The following VSNL1 variants were observed in gnomAD, a reference collection of about 807,000 sequenced individuals.
VSNL1 encodes visinin-like protein 1.
VSNL1 carries 6 observed loss-of-function variants against 20.4 expected under a neutral mutation model. The ratio of observed to expected loss-of-function variants is 0.29; its 90% CI spans 0.16 to 0.58. VSNL1 has a LOEUF of 0.58. Among genes scored for constraint, VSNL1 ranks in the 20% least tolerant of loss-of-function variants. The pLI is 0.90. For synonymous variants in VSNL1, 93 were observed against 86.4 expected (o/e 1.08, Z -0.42); for missense variants, 100 against 234.5 (o/e 0.43, Z 3.75).
At chr2:17,577,939 C>T (rs1342926383) in intron 1 of VSNL1, among the ~76,000 whole-genome samples, 1 of 152,054 alleles carries the variant, frequency 6.6e-6, no homozygotes, top group Non-Finnish European at 1.5e-5. Flanking sequence ...GTAACCTTCT[C>T]GGTAAGCCTC....
At chr2:17,560,009 G>A (rs950135868) in intron 1 of VSNL1, among the ~76,000 whole-genome samples, 1 of 151,668 alleles carries the variant, frequency 6.6e-6, no homozygotes, top group Non-Finnish European at 1.5e-5. Context: ...AAAAAAAGTA[G>A]CCTTTTCTTT....
chr2:17,604,410 T>G (rs1415802570), intron 2 of VSNL1, among the ~76,000 whole-genome samples: 1 of 152,218 alleles, frequency 6.6e-6, no homozygotes, highest in Admixed American at 6.5e-5. Flanking sequence ...AGCCTAGTCT[T>G]GTGGTGTCAT....
At chr2:17,633,937 C>A (rs1558307129) in intron 2 of VSNL1, among the ~76,000 whole-genome samples, 1 of 152,188 alleles carries the variant, frequency 6.6e-6, no homozygotes, top group Non-Finnish European at 1.5e-5. Context: ...AAGAGAAAAG[C>A]ATGGGCAAAG....
chr2:17,607,588 A>G (rs984306227), intron 2 of VSNL1, among the ~76,000 whole-genome samples: 1 of 152,216 alleles, frequency 6.6e-6, no homozygotes, highest in Admixed American at 6.5e-5. Context: ...AATCACGTGC[A>G]GCTGTCACTC....
intron 2 of VSNL1, among the ~76,000 whole-genome samples, chr2:17,612,833 T>A (rs1665122143): frequency 6.6e-6 from 1 of 152,168 alleles, no homozygotes; most frequent in African/African-American, 2.4e-5. Context: ...CTACAGTACA[T>A]TCACTCCCTC....
In VSNL1 at chr2:17,633,321, C is replaced by T. The variant is rs114657742; in HGVS notation, c.163-16089C>T. Among the ~76,000 whole-genome samples the T allele has an allele frequency of 9.7e-3, 1,363 of 140,562 alleles. 14 individuals carry two copies. The highest frequency in any genetic ancestry group is 0.028 in the South Asian group (123 of 4,338). The allele number at this position is 140,562 out of a possible 152,430, so 92.2% of individuals were successfully genotyped here. A position where few individuals can be genotyped will look rare whatever the true frequency, so the allele number is the denominator to read the frequency against. On this transcript the variant is annotated intron_variant, in intron 2 of 3. Coordinates refer to ENST00000295156, the MANE Select transcript of VSNL1 (RefSeq NM_003385.5). ...GATCTGGGTGGAGACACAGCCAAAC[C>T]ATATCACCCCATCTTTACTAAAAAT...
intron 1 of VSNL1, among the ~76,000 whole-genome samples, chr2:17,555,550 G>A (rs553077614): frequency 1.3e-4 from 20 of 152,128 alleles, no homozygotes; most frequent in Admixed American, 8.5e-4. Context: ...TTCCTACAAC[G>A]TAGACTCAGG....
At chr2:17,633,073 A>C (rs150799528) in intron 2 of VSNL1, among the ~76,000 whole-genome samples, 2 of 152,206 alleles carry the variant, frequency 1.3e-5, no homozygotes, top group Non-Finnish European at 2.9e-5. Context: ...TCACAGTGCC[A>C]CATGGCTAAG....
At chr2:17,617,586 G>GA (rs1194777778) in intron 2 of VSNL1, among the ~76,000 whole-genome samples, 1 of 152,096 alleles carries the variant, frequency 6.6e-6, no homozygotes, top group East Asian at 1.9e-4. Context: ...CTGGCTTGTA[G>GA]AGTTCATTCA....
At chr2:17,558,608 G>A (rs751858088) in intron 1 of VSNL1, among the ~76,000 whole-genome samples, 18 of 152,214 alleles carry the variant, frequency 1.2e-4, no homozygotes, top group Non-Finnish European at 1.8e-4. Context: ...CCAAAAAGTG[G>A]CACATCTGGT....
chr2:17,588,465 C>T (rs1052880659), intron 1 of VSNL1, among the ~76,000 whole-genome samples: 16 of 152,116 alleles, frequency 1.1e-4, no homozygotes, highest in African/African-American at 1.7e-4. Context: ...TATGGTGTAG[C>T]GGAATCTCTT....
chr2:17,646,715 AC>A (rs1446983711), intron 2 of VSNL1, among the ~76,000 whole-genome samples: 4 of 152,240 alleles, frequency 2.6e-5, no homozygotes, highest in Non-Finnish European at 5.9e-5. Context: ...AAAATTTAAT[AC>A]AAGAATTGAA....
At chr2:17,603,357 G>A (rs1006710169) in intron 2 of VSNL1, among the ~76,000 whole-genome samples, 2 of 152,164 alleles carry the variant, frequency 1.3e-5, no homozygotes, top group Non-Finnish European at 2.9e-5. Flanking sequence ...TGGTGAAAGA[G>A]GCCAGTGAGC....
At chr2:17,591,097 G>A (rs1167147406) in intron 1 of VSNL1, among the ~76,000 whole-genome samples, 1 of 150,888 alleles carries the variant, frequency 6.6e-6, no homozygotes, top group Admixed American at 6.6e-5. Context: ...AATTTTTTTT[G>A]GCCTTTGTTT....
chr2:17,644,020 G>A (rs903668553), intron 2 of VSNL1, among the ~76,000 whole-genome samples: 1 of 152,278 alleles, frequency 6.6e-6, no homozygotes, highest in African/African-American at 2.4e-5. Flanking sequence ...TGCTATTGTC[G>A]GGTGTGGGAA....
rs1179200487 is a variant in VSNL1 at position 17,655,497 on chromosome 2, ACAC to A, written c.*104_*106del. 3.4e-5 allele frequency: 37 copies of A among 1,092,414 alleles called. No individual in the cohort carries two copies. Among genetic ancestry groups the A allele is most frequent in the East Asian group, 3.3e-4 (13 of 39,402 alleles). The allele number at this position is 1,092,414 out of a possible 1,614,324, so 67.7% of individuals were successfully genotyped here. A position where few individuals can be genotyped will look rare whatever the true frequency, so the allele number is the denominator to read the frequency against. On this transcript the variant is annotated 3_prime_UTR_variant, in exon 4 of 4. Coordinates refer to ENST00000295156, the MANE Select transcript of VSNL1 (RefSeq NM_003385.5). This position sits in a 1 kb window ranked among gnomAD's most constrained non-coding sequence, Gnocchi z 5.2. ...CACACACACACACACACACACACAC[ACAC>A]AAATATTGCTTGGACTACCTATAAA...
intron 1 of VSNL1, among the ~76,000 whole-genome samples, chr2:17,571,864 C>A (rs1664092568): frequency 6.6e-6 from 1 of 152,126 alleles, no homozygotes; most frequent in African/African-American, 2.4e-5. Context: ...CACATTTGAG[C>A]AGTGATCTGA....
At chr2:17,614,030 T>C (rs62133576) in intron 2 of VSNL1, among the ~76,000 whole-genome samples, 8,244 of 151,812 alleles carry the variant, frequency 0.054, 261 homozygotes, top group East Asian at 0.092. Flanking sequence ...CATGGGGAGG[T>C]GGCTGGTCGG....
At chr2:17,559,094 C>T (rs1170068529) in intron 1 of VSNL1, among the ~76,000 whole-genome samples, 1 of 151,832 alleles carries the variant, frequency 6.6e-6, no homozygotes, top group Non-Finnish European at 1.5e-5. Flanking sequence ...TCTAGTGTGG[C>T]GGCAGCCACA....
Sources: allele counts gnomAD v4.1 joint callset (sites outside exome capture counted in the v4.1 genomes callset), GRCh38; gene constraint gnomAD v4.1.1; non-coding constraint Gnocchi (gnomAD v3.1); transcripts MANE v1.5; gene names NCBI Gene and HGNC (gene_info 2026-07-23, HGNC 2026-07-21).